The following ADAMTS17 variants were observed in gnomAD, a reference collection of about 807,000 sequenced individuals.
ADAMTS17 encodes A disintegrin and metalloproteinase with thrombospondin motifs 17.
In ADAMTS17, 113 loss-of-function variants were observed where a neutral mutation model predicts 141.5. The ratio of observed to expected loss-of-function variants is 0.80; its 90% CI spans 0.69 to 0.93. The LOEUF is 0.93. Ranked by LOEUF, ADAMTS17 falls within the 40% of genes least tolerant of loss-of-function variation. ADAMTS17 has a pLI of 0.00. For missense variants in ADAMTS17, 1,659 were observed against 1,517.9 expected (o/e 1.09, Z -1.54); for synonymous variants, 768 against 630.6 (o/e 1.22, Z -3.27).
At chr15:100,138,019 G>A (rs1354188226) in intron 10 of ADAMTS17, among the ~76,000 whole-genome samples, 1 of 152,170 alleles carries the variant, frequency 6.6e-6, no homozygotes, top group Non-Finnish European at 1.5e-5. Flanking sequence ...ACCTTTGAAA[G>A]CTCTTATATC....
At chr15:100,189,380 G>A (rs760351530) in intron 8 of ADAMTS17, among the ~76,000 whole-genome samples, 1 of 152,198 alleles carries the variant, frequency 6.6e-6, no homozygotes, top group Non-Finnish European at 1.5e-5. Flanking sequence ...GCAGGAAGTT[G>A]GCTGCCTTTT....
chr15:100,077,241 T>A (rs2034437437), intron 15 of ADAMTS17, among the ~76,000 whole-genome samples: 1 of 128,148 alleles, frequency 7.8e-6, no homozygotes, highest in Non-Finnish European at 1.5e-5. Flanking sequence ...GCCAGGAGTT[T>A]GCAACCAGCC....
At chr15:100,292,425 T>G (rs2142132762) in intron 3 of ADAMTS17, among the ~76,000 whole-genome samples, 1 of 150,262 alleles carries the variant, frequency 6.7e-6, no homozygotes, top group Admixed American at 6.6e-5. Context: ...TTAGAGACAC[T>G]CACCCCGTGT....
At chr15:100,001,824 C>CACAAGGTGAATGTACTTACTGCCACTGAA (rs2060928696) in intron 18 of ADAMTS17, among the ~76,000 whole-genome samples, 1 of 151,054 alleles carries the variant, frequency 6.6e-6, no homozygotes, top group African/African-American at 2.4e-5. Flanking sequence ...ACAAAAATAG[C>CACAAGGTGAATGTACTTACTGCCACTGAA]CCCCCGTGGT....
intron 18 of ADAMTS17, among the ~76,000 whole-genome samples, chr15:100,035,736 T>G (rs1029038802): frequency 2.0e-5 from 3 of 152,118 alleles, no homozygotes; most frequent in Admixed American, 2.0e-4. Flanking sequence ...ACACCCTTTT[T>G]CATCTTGTCC....
chr15:100,085,281 G>C (rs1010639089), intron 15 of ADAMTS17, among the ~76,000 whole-genome samples: 4 of 151,836 alleles, frequency 2.6e-5, no homozygotes, highest in South Asian at 2.1e-4. Context: ...AGTGAGAAGA[G>C]AAGTTTAGAG....
At position 100,037,132 on chromosome 15, in the gene ADAMTS17, A is replaced by AT. The variant is rs201546885; in HGVS notation, c.2591+11724dup. ...GCAGAACTTTTTGAGGAACTACCAG[A>AT]TTTTTTTTAAAAAGCGGTTGTGTCA... is the stretch of plus-strand genomic sequence containing the variant. On this transcript the variant is annotated intron_variant, in intron 18 of 21. Transcript: ENST00000268070. 6.9e-3 allele frequency among the ~76,000 whole-genome samples: 1,034 copies of AT among 150,770 alleles called. 18 individuals carry two copies. The highest frequency in any genetic ancestry group is 0.023 in the African/African-American group (950 of 41,458).
chr15:100,308,129 A>C (rs1160595070), intron 3 of ADAMTS17, among the ~76,000 whole-genome samples: 1 of 152,166 alleles, frequency 6.6e-6, no homozygotes, highest in African/African-American at 2.4e-5. Context: ...AATGACATCT[A>C]TTACCAAAAC....
intron 3 of ADAMTS17, among the ~76,000 whole-genome samples, chr15:100,307,918 C>G (rs1387152018): frequency 1.3e-5 from 2 of 152,166 alleles, no homozygotes; most frequent in Admixed American, 1.3e-4. Flanking sequence ...ACAAATCTGC[C>G]CTAGACAAGC....
chr15:100,301,600 G>C (rs1418643127), intron 3 of ADAMTS17, among the ~76,000 whole-genome samples: 1 of 151,796 alleles, frequency 6.6e-6, no homozygotes, highest in Non-Finnish European at 1.5e-5. Flanking sequence ...CAAAGCGCTG[G>C]GATTACAGGC....
intron 13 of ADAMTS17, among the ~76,000 whole-genome samples, chr15:100,115,865 G>A (rs2037084070): frequency 6.6e-6 from 1 of 152,134 alleles, no homozygotes; most frequent in African/African-American, 2.4e-5. Flanking sequence ...TCAAGTGTTG[G>A]CAGCCAGGCA....
intron 13 of ADAMTS17, among the ~76,000 whole-genome samples, chr15:100,111,109 G>C (rs551126601): frequency 3.2e-4 from 48 of 152,180 alleles, no homozygotes; most frequent in Non-Finnish European, 4.9e-4. Flanking sequence ...TCCCAGGTAA[G>C]GGGAGTAATG....
At chr15:100,336,710 C>T (rs573243788) in intron 2 of ADAMTS17, among the ~76,000 whole-genome samples, 2 of 152,304 alleles carry the variant, frequency 1.3e-5, no homozygotes, top group East Asian at 1.9e-4. Flanking sequence ...TGTTCTCCAT[C>T]GAGTAGGCTG....
chr15:100,031,663 A>T (rs1486019239), intron 18 of ADAMTS17, among the ~76,000 whole-genome samples: 2 of 152,212 alleles, frequency 1.3e-5, no homozygotes, highest in Non-Finnish European at 2.9e-5. Context: ...TTTTCGACAT[A>T]ATGCCGCTAA....
chr15:100,070,486 T>G (rs1220918847), intron 15 of ADAMTS17, among the ~76,000 whole-genome samples: 1 of 150,278 alleles, frequency 6.7e-6, no homozygotes, highest in Admixed American at 6.7e-5. Context: ...GACCACTTAG[T>G]TGGAAGTAAA....
At chr15:100,072,720 C>T (rs144094526) in intron 15 of ADAMTS17, among the ~76,000 whole-genome samples, 2 of 152,110 alleles carry the variant, frequency 1.3e-5, no homozygotes, top group Non-Finnish European at 2.9e-5. Flanking sequence ...AAAGCTGAAA[C>T]TGGATCCCCT....
chr15:100,146,218 G>A (rs575170583), intron 10 of ADAMTS17, among the ~76,000 whole-genome samples: 73 of 152,238 alleles, frequency 4.8e-4, no homozygotes, highest in South Asian at 1.2e-3. Context: ...TATAAAAACC[G>A]TATAATAGTA....
chr15:100,197,698 C>T (rs938455820), intron 8 of ADAMTS17, among the ~76,000 whole-genome samples: 1 of 152,152 alleles, frequency 6.6e-6, no homozygotes. Context: ...CCAGGAATTG[C>T]ACATAACATC....
intron 3 of ADAMTS17, among the ~76,000 whole-genome samples, chr15:100,300,734 G>T (rs1167709410): frequency 6.6e-6 from 1 of 152,108 alleles, no homozygotes; most frequent in Non-Finnish European, 1.5e-5. Context: ...TCATCACATG[G>T]GCTTTCATGA....
Sources: gnomAD v4.1 joint callset for allele counts (sites outside exome capture counted in the v4.1 genomes callset) on GRCh38, gnomAD v4.1.1 for gene constraint, MANE v1.5 for transcripts, NCBI Gene and HGNC (gene_info 2026-07-23, HGNC 2026-07-21) for gene names.